Variants in SH3RF1 observed in about 807,000 individuals in gnomAD.
SH3RF1 encodes the protein E3 ubiquitin-protein ligase SH3RF1.
In SH3RF1, 32 loss-of-function variants were observed where a neutral mutation model predicts 74.0. The observed-to-expected ratio is 0.43, with a 90% CI of 0.33 to 0.58. The LOEUF (loss-of-function observed/expected upper bound fraction) is 0.58, where lower values mean the gene tolerates loss of function less well. SH3RF1 is among the 20% of genes least tolerant of loss of function. SH3RF1 has a pLI of 0.05. For synonymous variants in SH3RF1, 396 were observed against 439.6 expected (o/e 0.90, Z 1.24); for missense variants, 954 against 1,130.9 (o/e 0.84, Z 2.24).
chr4:169,228,703 AG>A (rs1730689278), intron 2 of SH3RF1, among the ~76,000 whole-genome samples: 1 of 152,190 alleles, frequency 6.6e-6, no homozygotes, highest in Non-Finnish European at 1.5e-5. Context: ...TCTTGAGGGG[AG>A]GGAAAGGGAA....
intron 2 of SH3RF1, among the ~76,000 whole-genome samples, chr4:169,255,698 C>T (rs75938224): frequency 0.011 from 1,590 of 150,206 alleles, 29 homozygotes; most frequent in African/African-American, 0.037. Flanking sequence ...ACCCATCCAT[C>T]CATCTATCCA....
At chr4:169,208,303 T>C in intron 2 of SH3RF1, among the ~76,000 whole-genome samples, 1 of 152,222 alleles carries the variant, frequency 6.6e-6, no homozygotes, top group East Asian at 1.9e-4. Context: ...GGAATTTCAT[T>C]CATCCTTTTG....
chr4:169,183,115 C>T (rs1190568858), intron 2 of SH3RF1, among the ~76,000 whole-genome samples: 1 of 152,014 alleles, frequency 6.6e-6, no homozygotes, highest in African/African-American at 2.4e-5. Context: ...AGACCAGCCT[C>T]GCCAACATGG....
At chr4:169,263,160 A>C (rs765640725) in intron 2 of SH3RF1, among the ~76,000 whole-genome samples, 1 of 152,208 alleles carries the variant, frequency 6.6e-6, no homozygotes, top group Non-Finnish European at 1.5e-5. Flanking sequence ...TTTGTCCGTC[A>C]GTGTTTGTAG....
chr4:169,188,688 G>C (rs1244352014), intron 2 of SH3RF1, among the ~76,000 whole-genome samples: 12 of 152,268 alleles, frequency 7.9e-5, no homozygotes, highest in African/African-American at 2.4e-4. Context: ...AAAGCTTTCT[G>C]GCTTATGTAA....
rs200026352 is a variant in SH3RF1 at position 169,130,088 on chromosome 4, C to T, written c.1137G>A (p.Ser379=). The T allele has an allele frequency of 3.3e-5, 53 of 1,613,046 alleles. No homozygotes were observed. The Middle Eastern group carries it at 4.9e-4, about 15-fold the overall frequency. The change falls in exon 6 of 12, where the codon TCG becomes TCA. Residue 379 remains serine (S), a synonymous_variant. Coordinates refer to ENST00000284637, the MANE Select transcript of SH3RF1 (RefSeq NM_020870.4). ...AGGGAACATCTGATGGGAAAGTAAA[C>T]GAGGGGCCAGTTGTCACTGGGCTGC... ...PPSSPVTTGP[S]FTFPSDVPYQ...
chr4:169,238,624 G>A (rs979318159), intron 2 of SH3RF1, among the ~76,000 whole-genome samples: 10 of 152,168 alleles, frequency 6.6e-5, no homozygotes, highest in East Asian at 3.8e-4. Flanking sequence ...CTGTTTTGAC[G>A]GAGTGAGTCA....
chr4:169,201,232 C>T (rs1734901975), intron 2 of SH3RF1, among the ~76,000 whole-genome samples: 1 of 152,106 alleles, frequency 6.6e-6, no homozygotes, highest in African/African-American at 2.4e-5. Flanking sequence ...CAGAAAAACA[C>T]CACGGCCTCT....
At chr4:169,195,918 G>A (rs769644586) in intron 2 of SH3RF1, among the ~76,000 whole-genome samples, 5 of 151,780 alleles carry the variant, frequency 3.3e-5, no homozygotes, top group African/African-American at 4.8e-5. Context: ...GTGCAATCTC[G>A]GCTCACTGCA....
chr4:169,132,587 T>G (rs1460318388), intron 5 of SH3RF1, among the ~76,000 whole-genome samples: 1 of 151,984 alleles, frequency 6.6e-6, no homozygotes, highest in African/African-American at 2.4e-5. Context: ...ATGCCCTGAA[T>G]AGGGACAACC....
At chr4:169,236,163 C>T (rs1730819901) in intron 2 of SH3RF1, among the ~76,000 whole-genome samples, 2 of 152,232 alleles carry the variant, frequency 1.3e-5, no homozygotes, top group Admixed American at 1.3e-4. Context: ...TTCTTCTCTC[C>T]CTCTAGACAC....
rs1469087127 is a variant in SH3RF1, at chr4:169,111,428, A to G, written c.2140-4223T>C. Among the ~76,000 whole-genome samples, 4 of 149,920 alleles carry G rather than the reference A, an allele frequency of 2.7e-5. No individual in the cohort carries two copies. In the East Asian group the frequency reaches 8.1e-4, roughly 30 times the overall value. On this transcript the variant is annotated intron_variant, in intron 10 of 11. Coordinates refer to ENST00000284637, the MANE Select transcript of SH3RF1 (RefSeq NM_020870.4). ...TACCACCATGCCCAGCTAATTAAAA[A>G]TAATTTTTTTTTTTTTGGTAGAGAT...
At chr4:169,177,288 A>G (rs1734437388) in intron 2 of SH3RF1, among the ~76,000 whole-genome samples, 1 of 152,144 alleles carries the variant, frequency 6.6e-6, no homozygotes, top group South Asian at 2.1e-4. Flanking sequence ...CTTCAATTTC[A>G]AATTTTTCAG....
At chr4:169,122,954 T>C (rs1231406001) in intron 6 of SH3RF1, among the ~76,000 whole-genome samples, 7 of 152,140 alleles carry the variant, frequency 4.6e-5, no homozygotes, top group African/African-American at 1.7e-4. Flanking sequence ...TCCATGCCTT[T>C]TGAAAATCAA....
intron 4 of SH3RF1, among the ~76,000 whole-genome samples, chr4:169,152,741 A>C (rs1367111227): frequency 6.6e-6 from 1 of 152,192 alleles, no homozygotes; most frequent in Non-Finnish European, 1.5e-5. Flanking sequence ...CTATCTCAAA[A>C]AATAAAAAAG....
intron 2 of SH3RF1, chr4:169,217,129 C>T (rs981898160): frequency 6.7e-5 from 10 of 149,100 alleles, no homozygotes; most frequent in Non-Finnish European, 1.3e-4. Flanking sequence ...TGCTATTGCA[C>T]TCCAGCTGGG....
intron 4 of SH3RF1, among the ~76,000 whole-genome samples, chr4:169,154,520 A>G (rs10050030): frequency 0.32 from 48,433 of 152,072 alleles, 8,020 homozygotes; most frequent in African/African-American, 0.4. Flanking sequence ...TTAAACAACC[A>G]GATTACTTTC....
At chr4:169,130,930 C>T (rs932784980) in intron 5 of SH3RF1, among the ~76,000 whole-genome samples, 1 of 152,186 alleles carries the variant, frequency 6.6e-6, no homozygotes, top group African/African-American at 2.4e-5. Context: ...GGTTCCTGCA[C>T]AAATGGAAGT....
chr4:169,162,399 G>A (rs7677704), intron 2 of SH3RF1, among the ~76,000 whole-genome samples: 48,456 of 151,946 alleles, frequency 0.32, 8,035 homozygotes, highest in African/African-American at 0.4. Flanking sequence ...GAATATTAAA[G>A]GTTTTATTTT....
Sources: allele counts gnomAD v4.1 joint callset (sites outside exome capture counted in the v4.1 genomes callset), GRCh38; gene constraint gnomAD v4.1.1; transcripts MANE v1.5; gene names NCBI Gene and HGNC (gene_info 2026-07-23, HGNC 2026-07-21).